The following ATF7 variants were observed in gnomAD, a reference collection of about 807,000 sequenced individuals.
ATF7 encodes the protein activating transcription factor 7.
ATF7 carries 10 observed loss-of-function variants against 50.4 expected under a neutral mutation model. That is an observed-to-expected ratio of 0.20 (90% CI 0.12 to 0.34). ATF7 has a LOEUF of 0.34. Ranked by LOEUF, ATF7 falls within the 10% of genes least tolerant of loss-of-function variation. The pLI, the probability that ATF7 is intolerant of heterozygous loss-of-function variation, is 1.00. For missense variants in ATF7, 465 were observed against 613.9 expected, an observed-to-expected ratio of 0.76 and a Z score of 2.56; for synonymous variants, 201 against 226.4, an observed-to-expected ratio of 0.89 and a Z score of 1.01.
At chr12:53,596,803 ACCAAAC>A (rs1321410864) in intron 2 of ATF7, among the ~76,000 whole-genome samples, 6 of 152,246 alleles carry the variant, frequency 3.9e-5, no homozygotes, top group African/African-American at 1.2e-4. Flanking sequence ...TAGATTCAGT[ACCAAAC>A]TATATTTCTA....
intron 1 of ATF7, among the ~76,000 whole-genome samples, chr12:53,606,777 T>C (rs1184854499): frequency 1.4e-5 from 2 of 139,380 alleles, no homozygotes; most frequent in South Asian, 2.3e-4. Flanking sequence ...TGTGTTCTCA[T>C]TGTTCAATTC....
At chr12:53,536,836 C>A (rs994845515) in intron 5 of ATF7, among the ~76,000 whole-genome samples, 1 of 152,020 alleles carries the variant, frequency 6.6e-6, no homozygotes, top group South Asian at 2.1e-4. Flanking sequence ...TGCAGTGAGC[C>A]AAGATCACGC....
chr12:53,533,834 T>C (rs1172051684), intron 6 of ATF7, among the ~76,000 whole-genome samples: 1 of 152,200 alleles, frequency 6.6e-6, no homozygotes, highest in African/African-American at 2.4e-5. Flanking sequence ...GAACCCTAAC[T>C]GGGACTGAGG....
rs1259003487 is a variant in ATF7 at position 53,626,373 on chromosome 12, C to T, written c.-116G>A. The T allele has an allele frequency of 6.5e-6, 1 of 152,828 alleles. No individual in the cohort carries two copies. The highest frequency in any genetic ancestry group is 1.5e-5 in the Non-Finnish European group (1 of 68,180). The allele number at this position is 152,828 out of a possible 1,614,324, so 9.5% of individuals were successfully genotyped here. A position where few individuals can be genotyped will look rare whatever the true frequency, so the allele number is the denominator to read the frequency against. ...CCCCCCTTGGCGGAACGGATACTTT[C>T]CTCCCGTCCGGCCAGGCGCGCTCAA... On this transcript the variant is annotated 5_prime_UTR_variant, in exon 1 of 12. Transcript: ENST00000420353.
At chr12:53,619,984 T>C (rs970022088) in intron 1 of ATF7, among the ~76,000 whole-genome samples, 2 of 148,802 alleles carry the variant, frequency 1.3e-5, no homozygotes, top group Non-Finnish European at 3.0e-5. Context: ...CTACAAAAAA[T>C]AAACAAAATT....
At chr12:53,542,427 CAA>C (rs59513977) in intron 4 of ATF7, among the ~76,000 whole-genome samples, 15 of 136,408 alleles carry the variant, frequency 1.1e-4, no homozygotes, top group Non-Finnish European at 1.3e-4. Flanking sequence ...ACTCTTGTCT[CAA>C]AAAAAAAAAA....
chr12:53,519,167 AT>A (rs1377950308), intron 11 of ATF7, among the ~76,000 whole-genome samples: 1 of 152,158 alleles, frequency 6.6e-6, no homozygotes, highest in Non-Finnish European at 1.5e-5. Context: ...TTCATCAAAC[AT>A]TTTACTGAGC....
At chr12:53,571,320 C>T (rs1941748817) in intron 2 of ATF7, among the ~76,000 whole-genome samples, 1 of 152,072 alleles carries the variant, frequency 6.6e-6, no homozygotes. Context: ...TCTTTTCTTT[C>T]AAGCCACCTA....
chr12:53,573,027 T>G (rs1391139621), intron 2 of ATF7, among the ~76,000 whole-genome samples: 1 of 149,168 alleles, frequency 6.7e-6, no homozygotes, highest in Non-Finnish European at 1.5e-5. Context: ...TCAAGTGATC[T>G]GCCCGCCTCG....
At position 53,542,806 on chromosome 12, in the gene ATF7, A is replaced by T. The variant is rs1206702289; in HGVS notation, c.264+524T>A. The T allele has an allele frequency of 9.8e-6, 5 of 508,058 alleles. No individual in the cohort carries two copies. The African/African-American group carries it at 1.0e-4, about 11-fold the overall frequency. 31.5% of individuals were successfully genotyped at this position (508,058 alleles called of 1,614,324 possible). On this transcript the variant is annotated intron_variant, in intron 4 of 11. Coordinates refer to ENST00000420353, the MANE Select transcript of ATF7 (RefSeq NM_006856.3). Reference sequence around the variant, plus strand: ...TGATCTCCTTTGAAAGACAGTAGGAACATCCTTCTTTATCTTTAATGCTTT... The same window carrying T: ...TGATCTCCTTTGAAAGACAGTAGGATCATCCTTCTTTATCTTTAATGCTTT...
chr12:53,551,651 TG>T (rs1310317909), intron 3 of ATF7, among the ~76,000 whole-genome samples: 1 of 152,224 alleles, frequency 6.6e-6, no homozygotes, highest in Non-Finnish European at 1.5e-5. Flanking sequence ...TCATCATGTA[TG>T]GAAGTATGAT....
chr12:53,569,495 G>A (rs1014051727), intron 2 of ATF7, among the ~76,000 whole-genome samples: 1 of 152,054 alleles, frequency 6.6e-6, no homozygotes, highest in African/African-American at 2.4e-5. Flanking sequence ...CTTCTCTGAT[G>A]TTTACCAGAA....
intron 9 of ATF7, among the ~76,000 whole-genome samples, chr12:53,525,928 C>T (rs1232735594): frequency 1.3e-5 from 2 of 152,076 alleles, no homozygotes; most frequent in Non-Finnish European, 2.9e-5. Flanking sequence ...TTATACCGAC[C>T]AGCTGGGCAT....
chr12:53,518,821 G>A (rs183285857), intron 11 of ATF7, among the ~76,000 whole-genome samples: 7 of 151,970 alleles, frequency 4.6e-5, no homozygotes, highest in East Asian at 3.9e-4. Flanking sequence ...CAAGCTGGGC[G>A]GATCAGGAGG....
intron 3 of ATF7, among the ~76,000 whole-genome samples, chr12:53,549,180 G>A (rs976522544): frequency 1.3e-5 from 2 of 151,748 alleles, no homozygotes; most frequent in Non-Finnish European, 1.5e-5. Flanking sequence ...CCAGCTACTC[G>A]GGAGGCTGAG....
chr12:53,558,359 T>C (rs1450089918), intron 2 of ATF7, among the ~76,000 whole-genome samples: 2 of 152,182 alleles, frequency 1.3e-5, no homozygotes, highest in Non-Finnish European at 2.9e-5. Flanking sequence ...GTTGTGTTTG[T>C]TGAGAAACCC....
At chr12:53,619,813 GAA>G (rs879574506) in intron 1 of ATF7, among the ~76,000 whole-genome samples, 20 of 142,410 alleles carry the variant, frequency 1.4e-4, no homozygotes, top group African/African-American at 5.1e-4. Flanking sequence ...CCCTGCCTCA[GAA>G]AAAAAAAAAA....
intron 2 of ATF7, among the ~76,000 whole-genome samples, chr12:53,587,817 C>T (rs1464784487): frequency 3.3e-5 from 2 of 60,948 alleles, no homozygotes; most frequent in Admixed American, 2.3e-4. Context: ...ATGTATACTT[C>T]TACATATATA....
At chr12:53,600,856 C>G in intron 2 of ATF7, 97 bp downstream of exon 2, 1 of 1,205,634 alleles carries the variant, frequency 8.3e-7, no homozygotes, top group Non-Finnish European at 1.2e-6. Context: ...CTCCAGTGAT[C>G]ACGTAAAATA....
Sources: gnomAD v4.1 joint callset for allele counts (sites outside exome capture counted in the v4.1 genomes callset) on GRCh38, gnomAD v4.1.1 for gene constraint, MANE v1.5 for transcripts, NCBI Gene and HGNC (gene_info 2026-07-23, HGNC 2026-07-21) for gene names.